PXDN: variants seen among roughly 807,000 people sequenced by gnomAD.
PXDN encodes peroxidasin homolog.
A neutral mutation model predicts 140.3 loss-of-function variants in PXDN; 77 were observed. The ratio of observed to expected loss-of-function variants is 0.55; its 90% CI spans 0.46 to 0.66. The LOEUF is 0.66. Among genes scored for constraint, PXDN ranks in the 30% least tolerant of loss-of-function variants. The pLI, the probability that PXDN is intolerant of heterozygous loss-of-function variation, is 0.00. For missense variants in PXDN, 1,838 were observed against 2,039.5 expected, an observed-to-expected ratio of 0.90 and a Z score of 1.90; for synonymous variants, 911 against 857.4, an observed-to-expected ratio of 1.06 and a Z score of -1.09.
At chr2:1,721,358 G>A (rs2125481118) in intron 1 of PXDN, among the ~76,000 whole-genome samples, 1 of 152,170 alleles carries the variant, frequency 6.6e-6, no homozygotes, top group East Asian at 1.9e-4. Context: ...TTCCTGTTCA[G>A]AAAGACCCAG....
At chr2:1,728,435 C>G (rs1685240187) in intron 1 of PXDN, among the ~76,000 whole-genome samples, 1 of 152,204 alleles carries the variant, frequency 6.6e-6, no homozygotes, top group African/African-American at 2.4e-5. Context: ...GTGACTTCAC[C>G]TCGAAAATCA....
intron 14 of PXDN, among the ~76,000 whole-genome samples, chr2:1,657,497 C>T (rs13396488): frequency 0.87 from 131,696 of 151,496 alleles, 57,490 homozygotes; most frequent in East Asian, 0.99. Context: ...CTGAAGCCTG[C>T]CACCTCCTGA....
intron 1 of PXDN, among the ~76,000 whole-genome samples, chr2:1,693,431 G>A (rs928852518): frequency 1.3e-5 from 2 of 152,148 alleles, no homozygotes; most frequent in South Asian, 2.1e-4. Flanking sequence ...ATGTCGTGTC[G>A]ATAAGTCTTA....
intron 1 of PXDN, among the ~76,000 whole-genome samples, chr2:1,713,103 G>A (rs1034905403): frequency 6.6e-6 from 1 of 152,010 alleles, no homozygotes; most frequent in Non-Finnish European, 1.5e-5. Flanking sequence ...CACACAGGTG[G>A]CCCCTGGTTC....
chr2:1,667,861 A>C (rs965878871), intron 9 of PXDN, among the ~76,000 whole-genome samples: 1 of 152,234 alleles, frequency 6.6e-6, no homozygotes, highest in Non-Finnish European at 1.5e-5. Flanking sequence ...CAATATTGTG[A>C]AAATGGCCAT....
chr2:1,714,273 G>T lies in PXDN; in HGVS notation c.201-21139C>A, dbSNP rs866273547. On this transcript the variant is annotated intron_variant, in intron 1 of 22. Coordinates refer to ENST00000252804, the MANE Select transcript of PXDN (RefSeq NM_012293.3). This position sits in a 1 kb window ranked among gnomAD's most constrained non-coding sequence, Gnocchi z 4.3. ...AGTTGAGGGGTCAACCCCAGCCCAG[G>T]TCAAGCCCTCCAAAACCCCAGGAGC... Among the ~76,000 whole-genome samples the T allele has an allele frequency of 1.3e-5, 2 of 152,220 alleles. No individual in the cohort carries two copies. Among genetic ancestry groups the T allele is most frequent in the African/African-American group, 4.8e-5 (2 of 41,532 alleles).
chr2:1,704,582 G>T (rs1684541228), intron 1 of PXDN, among the ~76,000 whole-genome samples: 1 of 101,346 alleles, frequency 9.9e-6, no homozygotes, highest in Non-Finnish European at 1.9e-5. Context: ...CAGGTGAAGG[G>T]GGGACAGCTC....
Position 1,660,869 on chromosome 2 carries a change from G to A in PXDN, c.1837+12C>T. On this transcript the variant is annotated intron_variant, in intron 14 of 22. Coordinates refer to ENST00000252804, the MANE Select transcript of PXDN (RefSeq NM_012293.3). The surrounding 1 kb of genome is among the most constrained non-coding windows in gnomAD (Gnocchi z 4.6). ...ATACCATGTGGGTAGATGTGGGCAT[G>A]TGGCATCTTACCATTCACACTGAGC... The A allele has an allele frequency of 1.2e-6, 2 of 1,604,240 alleles. No homozygotes were observed. The highest frequency in any genetic ancestry group is 2.2e-5 in the East Asian group (1 of 44,648).
intron 1 of PXDN, among the ~76,000 whole-genome samples, chr2:1,742,831 G>A (rs1354943121): frequency 6.6e-6 from 1 of 152,210 alleles, no homozygotes; most frequent in African/African-American, 2.4e-5. Flanking sequence ...CCCCGCCCCA[G>A]GGCCTCCAGG....
At chr2:1,719,496 G>A (rs369814240) in intron 1 of PXDN, among the ~76,000 whole-genome samples, 3 of 152,298 alleles carry the variant, frequency 2.0e-5, no homozygotes, top group Non-Finnish European at 2.9e-5. Context: ...GCCGGTCCCC[G>A]CCGACCTGCC....
intron 1 of PXDN, among the ~76,000 whole-genome samples, chr2:1,711,886 G>A (rs879775465): frequency 6.6e-6 from 1 of 152,208 alleles, no homozygotes; most frequent in African/African-American, 2.4e-5. Context: ...TGCTCTCTCA[G>A]GAGGCAGGAG....
At position 1,651,749 on chromosome 2, in the gene PXDN, C is replaced by T. The variant is rs957912055; in HGVS notation, c.2104+1879G>A. On this transcript the variant is annotated intron_variant, in intron 16 of 22. Transcript: ENST00000252804. The surrounding 1 kb of genome is among the most constrained non-coding windows in gnomAD (Gnocchi z 4.4). The stretch of plus-strand genomic sequence containing the variant: ...CGCCCATGGGGAACAGCACCCCATC[C>T]CAGCCAGGGCACCACCCACCTCCCG... 6.6e-6 allele frequency among the ~76,000 whole-genome samples: 1 copy of T among 152,208 alleles called. No individual in the cohort carries two copies. Among genetic ancestry groups the T allele is most frequent in the Non-Finnish European group, 1.5e-5 (1 of 68,034 alleles).
At chr2:1,674,122 G>A (rs1406281829) in intron 8 of PXDN, among the ~76,000 whole-genome samples, 2 of 152,174 alleles carry the variant, frequency 1.3e-5, no homozygotes, top group African/African-American at 4.8e-5. Context: ...AAATTCCAAG[G>A]AAACATTTTC....
chr2:1,698,318 A>G (rs574583880), intron 1 of PXDN, among the ~76,000 whole-genome samples: 1 of 152,324 alleles, frequency 6.6e-6, no homozygotes, highest in African/African-American at 2.4e-5. Context: ...CCTCTGAGCT[A>G]GGCAGCAGCA....
rs770959662 is a variant in PXDN at position 1,693,041 on chromosome 2, C to T, written c.272+22G>A. The T allele has an allele frequency of 7.9e-6, 12 of 1,510,020 alleles. No homozygotes were observed. The South Asian group carries it at 1.4e-4, about 18-fold the overall frequency. The allele number at this position is 1,510,020 out of a possible 1,614,324, so 93.5% of individuals were successfully genotyped here. On this transcript the variant is annotated intron_variant, in intron 2 of 22. Transcript: ENST00000252804. The stretch of plus-strand genomic sequence containing the variant: ...ATGATTTCTATTTTTCTATTAGTTT[C>T]CAATAGAATATTTCCACTCACAATG...
chr2:1,675,520 G>A (rs1683679777), intron 8 of PXDN, among the ~76,000 whole-genome samples: 2 of 152,302 alleles, frequency 1.3e-5, no homozygotes, highest in South Asian at 4.1e-4. Context: ...TGAAGAGAGT[G>A]ACTGCACCTT....
chr2:1,669,695 C>G (rs1245679224), intron 9 of PXDN: 1 of 152,048 alleles, frequency 6.6e-6, no homozygotes, highest in African/African-American at 2.4e-5. Context: ...CAAAAATTAG[C>G]CAGTATGGTG....
At chr2:1,735,232 T>C (rs938698214) in intron 1 of PXDN, among the ~76,000 whole-genome samples, 1 of 152,230 alleles carries the variant, frequency 6.6e-6, no homozygotes, top group Admixed American at 6.5e-5. Context: ...AATCAACTTC[T>C]TCTAAACTCC....
intron 1 of PXDN, among the ~76,000 whole-genome samples, chr2:1,700,070 AT>A (rs1049917772): frequency 1.3e-5 from 2 of 151,066 alleles, no homozygotes; most frequent in Non-Finnish European, 3.0e-5. Flanking sequence ...ATTTTTATTT[AT>A]TTTTTTTTGA....
Sources: allele counts gnomAD v4.1 joint callset (sites outside exome capture counted in the v4.1 genomes callset), GRCh38; gene constraint gnomAD v4.1.1; non-coding constraint Gnocchi (gnomAD v3.1); transcripts MANE v1.5; gene names NCBI Gene and HGNC (gene_info 2026-07-23, HGNC 2026-07-21).